Variants in LHFPL6 observed in about 807,000 individuals in gnomAD.
The protein encoded by LHFPL6 is LHFPL tetraspan subfamily member 6 protein.
In LHFPL6, 9 loss-of-function variants were observed where a neutral mutation model predicts 20.6. The observed-to-expected ratio is 0.44, with a 90% CI of 0.26 to 0.76. The LOEUF is 0.76. LHFPL6 is among the 30% of genes least tolerant of loss of function. The pLI, the probability that LHFPL6 is intolerant of heterozygous loss-of-function variation, is 0.20. For missense variants in LHFPL6, 218 were observed against 253.5 expected (o/e 0.86, Z 0.95); for synonymous variants, 105 against 98.7 (o/e 1.06, Z -0.38).
intron 2 of LHFPL6, among the ~76,000 whole-genome samples, chr13:39,507,786 A>G (rs1209707988): frequency 6.6e-6 from 1 of 152,142 alleles, no homozygotes; most frequent in East Asian, 1.9e-4. Flanking sequence ...AGAAAAACTG[A>G]GTTCAGAGAG....
At chr13:39,413,748 G>C (rs1871289513) in intron 2 of LHFPL6, among the ~76,000 whole-genome samples, 1 of 152,128 alleles carries the variant, frequency 6.6e-6, no homozygotes, top group Non-Finnish European at 1.5e-5. Context: ...ATTTTCATAA[G>C]CTGAAGACAC....
intron 2 of LHFPL6, among the ~76,000 whole-genome samples, chr13:39,520,323 C>T (rs1870066914): frequency 6.6e-6 from 1 of 152,128 alleles, no homozygotes; most frequent in Non-Finnish European, 1.5e-5. Context: ...ATGTGGCCCT[C>T]GGTGATTGCT....
Position 39,480,984 on chromosome 13 carries a change from A to G in LHFPL6, c.386-102458T>C, listed in dbSNP as rs77776839. On this transcript the variant is annotated intron_variant, in intron 2 of 3. Coordinates refer to ENST00000379589, the MANE Select transcript of LHFPL6 (RefSeq NM_005780.3). The stretch of plus-strand genomic sequence containing the variant: ...CTAAAATTATATTCATTAGCATGCA[A>G]ACTTAATGTGTTATATATTTATAAG... Among the ~76,000 whole-genome samples, 838 of 152,326 alleles carry G rather than the reference A, an allele frequency of 5.5e-3. 7 individuals carry two copies. The highest frequency in any genetic ancestry group is 0.019 in the African/African-American group (797 of 41,574).
intron 2 of LHFPL6, among the ~76,000 whole-genome samples, chr13:39,592,906 T>C (rs1872654922): frequency 1.3e-5 from 2 of 152,194 alleles, no homozygotes; most frequent in Admixed American, 6.5e-5. Context: ...GGAAAGGCCT[T>C]TGAAAAAATT....
intron 2 of LHFPL6, among the ~76,000 whole-genome samples, chr13:39,530,565 T>C (rs981332978): frequency 6.6e-6 from 1 of 152,162 alleles, no homozygotes; most frequent in Non-Finnish European, 1.5e-5. Flanking sequence ...AAATGAATAG[T>C]GTCACCCTGG....
Position 39,562,383 on chromosome 13 carries a change from C to CACATATACAT in LHFPL6, c.385+38448_385+38449insATGTATATGT, listed in dbSNP as rs1566141893. The stretch of plus-strand genomic sequence containing the variant: ...ATACATATACATATATACATATATA[C>CACATATACAT]ATATACATATATATACATATATACA... On this transcript the variant is annotated intron_variant, in intron 2 of 3. Transcript: ENST00000379589. Among the ~76,000 whole-genome samples the CACATATACAT allele has an allele frequency of 4.8e-5, 6 of 125,694 alleles. No homozygotes were observed. In the South Asian group the frequency reaches 1.6e-3, roughly 33 times the overall value. The allele number at this position is 125,694 out of a possible 152,430, so 82.5% of individuals were successfully genotyped here.
At chr13:39,391,712 T>C (rs752563967) in intron 2 of LHFPL6, among the ~76,000 whole-genome samples, 1 of 151,234 alleles carries the variant, frequency 6.6e-6, no homozygotes, top group Non-Finnish European at 1.5e-5. Flanking sequence ...TATCATAAGA[T>C]TGCTGATATG....
chr13:39,423,416 AG>A (rs1485416864), intron 2 of LHFPL6, among the ~76,000 whole-genome samples: 1 of 151,942 alleles, frequency 6.6e-6, no homozygotes, highest in Non-Finnish European at 1.5e-5. Flanking sequence ...GGGGAAAGAA[AG>A]GCTTCTTTTT....
At chr13:39,539,611 T>C (rs1870733303) in intron 2 of LHFPL6, among the ~76,000 whole-genome samples, 1 of 152,180 alleles carries the variant, frequency 6.6e-6, no homozygotes, top group South Asian at 2.1e-4. Context: ...CAGGTGCCAC[T>C]GGGGAAAATG....
intron 2 of LHFPL6, among the ~76,000 whole-genome samples, chr13:39,504,619 T>A (rs1185330759): frequency 6.6e-6 from 1 of 152,204 alleles, no homozygotes; most frequent in African/African-American, 2.4e-5. Context: ...CTTGTCTGTA[T>A]CCTACTCTCC....
intron 2 of LHFPL6, among the ~76,000 whole-genome samples, chr13:39,442,471 A>G (rs566503854): frequency 4.6e-5 from 7 of 152,196 alleles, no homozygotes; most frequent in Non-Finnish European, 1.0e-4. Flanking sequence ...ACTATAATCA[A>G]AACTTTGGAA....
At chr13:39,452,271 T>C (rs1041672391) in intron 2 of LHFPL6, among the ~76,000 whole-genome samples, 4 of 152,132 alleles carry the variant, frequency 2.6e-5, no homozygotes, top group African/African-American at 9.7e-5. Flanking sequence ...CACATTGCAC[T>C]GAAAAACAAT....
At chr13:39,344,138 G>T in intron 3 of LHFPL6, 84 bp from the exon 4 acceptor site, 1 of 1,025,268 alleles carries the variant, frequency 9.8e-7, no homozygotes. Context: ...CAGTGTGTGG[G>T]TTCTGAAACA....
At chr13:39,380,230 GAGA>G (rs1489580149) in intron 2 of LHFPL6, among the ~76,000 whole-genome samples, 2 of 152,194 alleles carry the variant, frequency 1.3e-5, no homozygotes, top group African/African-American at 4.8e-5. Flanking sequence ...ACCACTTTCT[GAGA>G]AGATCTTGTG....
At chr13:39,492,965 C>G (rs1868977618) in intron 2 of LHFPL6, among the ~76,000 whole-genome samples, 1 of 151,032 alleles carries the variant, frequency 6.6e-6, no homozygotes, top group African/African-American at 2.4e-5. Context: ...TAGGTGTGAG[C>G]CACTGCGCCC....
At chr13:39,435,209 A>G (rs1270701977) in intron 2 of LHFPL6, among the ~76,000 whole-genome samples, 2 of 152,142 alleles carry the variant, frequency 1.3e-5, no homozygotes, top group Non-Finnish European at 2.9e-5. Flanking sequence ...TTGGGTTTCA[A>G]GCCAAATTAA....
chr13:39,521,010 A>G (rs2138485381), intron 2 of LHFPL6, among the ~76,000 whole-genome samples: 1 of 152,334 alleles, frequency 6.6e-6, no homozygotes, highest in Non-Finnish European at 1.5e-5. Context: ...AAATGCTGGC[A>G]CCAGGCATGA....
intron 3 of LHFPL6, among the ~76,000 whole-genome samples, chr13:39,344,654 T>C (rs1186539154): frequency 6.6e-6 from 1 of 152,172 alleles, no homozygotes; most frequent in African/African-American, 2.4e-5. Context: ...AGCATCCAAG[T>C]GGGTCCTGAT....
At chr13:39,575,243 T>C (rs569240645) in intron 2 of LHFPL6, among the ~76,000 whole-genome samples, 6 of 152,290 alleles carry the variant, frequency 3.9e-5, no homozygotes, top group South Asian at 2.1e-4. Context: ...ATGTAAAGAC[T>C]GAAAGATGAC....
Sources: gnomAD v4.1 joint callset for allele counts (sites outside exome capture counted in the v4.1 genomes callset) on GRCh38, gnomAD v4.1.1 for gene constraint, MANE v1.5 for transcripts, NCBI Gene and HGNC (gene_info 2026-07-23, HGNC 2026-07-21) for gene names.